Variants in PLEKHH2 observed in about 807,000 individuals in gnomAD.
The protein encoded by PLEKHH2 is pleckstrin homology domain-containing family H member 2.
PLEKHH2 carries 129 observed loss-of-function variants against 187.9 expected under a neutral mutation model. The observed-to-expected ratio is 0.69, with a 90% CI of 0.59 to 0.79. The LOEUF (loss-of-function observed/expected upper bound fraction) is 0.79, where lower values mean the gene tolerates loss of function less well. Ranked by LOEUF, PLEKHH2 falls within the 30% of genes least tolerant of loss-of-function variation. The pLI is 0.00. For missense variants in PLEKHH2, 2,076 were observed against 1,751.2 expected (o/e 1.19, Z -3.31); for synonymous variants, 686 against 605.6 (o/e 1.13, Z -1.95).
intron 25 of PLEKHH2, among the ~76,000 whole-genome samples, chr2:43,755,757 C>A (rs1425024997): frequency 6.6e-6 from 1 of 152,150 alleles, no homozygotes; most frequent in African/African-American, 2.4e-5. Context: ...TCTGCTGGGA[C>A]TGTCAGCTGG....
chr2:43,667,777 C>T (rs752811605), intron 2 of PLEKHH2, among the ~76,000 whole-genome samples: 4 of 151,894 alleles, frequency 2.6e-5, no homozygotes, highest in Non-Finnish European at 4.4e-5. Context: ...TTGCAAAGGG[C>T]GATTGGGAGA....
chr2:43,707,293 G>A (rs1200151069), intron 10 of PLEKHH2, 108 bp from the exon 11 acceptor site: 19 of 1,246,550 alleles, frequency 1.5e-5, no homozygotes, highest in Non-Finnish European at 2.2e-5. Context: ...GATACAGGGA[G>A]GTTGCTCTGC....
chr2:43,749,148 G>C (rs977983866), intron 24 of PLEKHH2, among the ~76,000 whole-genome samples: 10 of 152,138 alleles, frequency 6.6e-5, no homozygotes, highest in African/African-American at 2.4e-4. Flanking sequence ...GTGAAATTTG[G>C]ATAAAATTTG....
chr2:43,716,427 G>T (rs1418161349), intron 15 of PLEKHH2, among the ~76,000 whole-genome samples: 2 of 152,138 alleles, frequency 1.3e-5, no homozygotes, highest in African/African-American at 2.4e-5. Flanking sequence ...TACTAAGAGT[G>T]GGGAAAAGGG....
intron 27 of PLEKHH2, among the ~76,000 whole-genome samples, chr2:43,759,426 A>G (rs548903441): frequency 6.6e-6 from 1 of 152,252 alleles, no homozygotes; most frequent in Non-Finnish European, 1.5e-5. Context: ...TGGATTGTAC[A>G]TGAACTTCCA....
intron 2 of PLEKHH2, among the ~76,000 whole-genome samples, chr2:43,656,818 G>T (rs948073059): frequency 6.6e-6 from 1 of 152,178 alleles, no homozygotes; most frequent in African/African-American, 2.4e-5. Flanking sequence ...AGGAGTTTGA[G>T]ACCAGCCTGG....
At chr2:43,746,281 A>G (rs1000213086) in intron 24 of PLEKHH2, among the ~76,000 whole-genome samples, 1 of 152,232 alleles carries the variant, frequency 6.6e-6, no homozygotes, top group Non-Finnish European at 1.5e-5. Context: ...AGGTGGGCAG[A>G]TCACCTGAGG....
intron 14 of PLEKHH2, 141 bp from the exon 15 acceptor site, chr2:43,712,084 C>A: frequency 7.6e-7 from 1 of 1,312,704 alleles, no homozygotes; most frequent in Non-Finnish European, 1.0e-6. Context: ...GATATGGAGT[C>A]ATTTATTTAG....
In PLEKHH2 at chr2:43,767,037, G is replaced by T. The variant is rs1239835642; in HGVS notation, c.*1439G>T. On this transcript the variant is annotated 3_prime_UTR_variant, in exon 30 of 30. Coordinates refer to ENST00000282406, the MANE Select transcript of PLEKHH2 (RefSeq NM_172069.4). ...GCATTCCAGTATGTGTCACAACAGTGTAGTTCATATTCATGATAAAAATGA... is the reference window on the plus strand; with the variant it reads ...GCATTCCAGTATGTGTCACAACAGTTTAGTTCATATTCATGATAAAAATGA... 6.5e-6 allele frequency: 1 copy of T among 152,726 alleles called. No individual in the cohort carries two copies. Among genetic ancestry groups the T allele is most frequent in the African/African-American group, 2.4e-5 (1 of 41,428 alleles). The allele number at this position is 152,726 out of a possible 1,614,324, so 9.5% of individuals were successfully genotyped here.
rs1198383224 is a variant in PLEKHH2 at position 43,699,732 on chromosome 2, C to T, written c.774C>T (p.Gly258=). The part of the protein sequence containing the change: ...GQRTLHQTPC[G]SEQNRKTRTS... ...GAACATTGCATCAAACCCCTTGTGG[C>T]TCAGAACAGAATCGGAAAACAAGAA... is the stretch of plus-strand genomic sequence containing the variant. Residue 258 remains glycine, a synonymous_variant, in exon 8 of 30, where the codon GGC becomes GGT. Transcript: ENST00000282406. 3 of 1,614,218 alleles carry T rather than the reference C, an allele frequency of 1.9e-6. No individual in the cohort carries two copies. Among genetic ancestry groups the T allele is most frequent in the East Asian group, 4.5e-5 (2 of 44,890 alleles).
At chr2:43,663,544 AG>A (rs1431980139) in intron 2 of PLEKHH2, among the ~76,000 whole-genome samples, 31 of 7,376 alleles carry the variant, frequency 4.2e-3, no homozygotes, top group African/African-American at 0.018. Flanking sequence ...TTGCTTTTCT[AG>A]TTCTTTTAAT....
intron 8 of PLEKHH2, among the ~76,000 whole-genome samples, chr2:43,702,116 A>G (rs1669403945): frequency 6.6e-6 from 1 of 152,214 alleles, no homozygotes; most frequent in African/African-American, 2.4e-5. Flanking sequence ...ACATGCTGGC[A>G]TAATTTAACC....
At chr2:43,737,419 C>T (rs1046638599) in intron 19 of PLEKHH2, among the ~76,000 whole-genome samples, 2 of 152,180 alleles carry the variant, frequency 1.3e-5, no homozygotes, top group Non-Finnish European at 2.9e-5. Context: ...TCTACTGTTA[C>T]ATTTAAAATT....
chr2:43,728,857 C>T (rs1178680313), intron 17 of PLEKHH2, among the ~76,000 whole-genome samples: 8 of 152,004 alleles, frequency 5.3e-5, no homozygotes, highest in African/African-American at 9.7e-5. Flanking sequence ...CCACCGTGCC[C>T]GGCCTACAAT....
At chr2:43,707,951 A>G (rs1319774326) in intron 11 of PLEKHH2, among the ~76,000 whole-genome samples, 1 of 152,228 alleles carries the variant, frequency 6.6e-6, no homozygotes, top group Non-Finnish European at 1.5e-5. Flanking sequence ...AACAACATTT[A>G]CTTGGAATAT....
chr2:43,706,285 G>GT, intron 9 of PLEKHH2, 37 bp from the exon 10 acceptor site: 1 of 1,460,962 alleles, frequency 6.8e-7, no homozygotes, highest in South Asian at 1.2e-5. Context: ...CTAATTAGAA[G>GT]TTTTTTAAAA....
At chr2:43,673,828 A>C (rs1667600158) in intron 2 of PLEKHH2, among the ~76,000 whole-genome samples, 1 of 152,196 alleles carries the variant, frequency 6.6e-6, no homozygotes, top group Non-Finnish European at 1.5e-5. Context: ...CTTTAAGTTC[A>C]GTATTCTTTC....
intron 10 of PLEKHH2, 78 bp from the exon 11 acceptor site, chr2:43,707,323 C>G (rs1669709954): frequency 6.4e-7 from 1 of 1,558,428 alleles, no homozygotes; most frequent in Admixed American, 1.7e-5. Context: ...GGAGGCGACC[C>G]TAATAACTAG....
intron 16 of PLEKHH2, among the ~76,000 whole-genome samples, chr2:43,721,291 A>C (rs1325814253): frequency 6.6e-6 from 1 of 152,202 alleles, no homozygotes; most frequent in East Asian, 1.9e-4. Context: ...ACGCATGCCC[A>C]GTCATCATTA....
Sources: gnomAD v4.1 joint callset for allele counts (sites outside exome capture counted in the v4.1 genomes callset) on GRCh38, gnomAD v4.1.1 for gene constraint, MANE v1.5 for transcripts, NCBI Gene and HGNC (gene_info 2026-07-23, HGNC 2026-07-21) for gene names.